TMPRSS15: variants seen among roughly 807,000 people sequenced by gnomAD.
The protein encoded by TMPRSS15 is transmembrane serine protease 15, also known as enteropeptidase.
A neutral mutation model predicts 125.3 loss-of-function variants in TMPRSS15; 128 were observed. The observed-to-expected ratio is 1.02, with a 90% CI of 0.89 to 1.18. The LOEUF (loss-of-function observed/expected upper bound fraction) is 1.18, where lower values mean the gene tolerates loss of function less well. Among genes scored for constraint, TMPRSS15 ranks in the 50% most tolerant of loss-of-function variants. The pLI is 0.00. For missense variants in TMPRSS15, 1,283 were observed against 1,212.7 expected (o/e 1.06, Z -0.86); for synonymous variants, 446 against 423.2 (o/e 1.05, Z -0.66).
At chr21:18,320,381 A>T (rs2824736) in intron 16 of TMPRSS15, among the ~76,000 whole-genome samples, 75,280 of 151,892 alleles carry the variant, frequency 0.5, 19,117 homozygotes, top group East Asian at 0.65. Flanking sequence ...AGCTTACTGA[A>T]ATCACTATGT....
chr21:18,417,622 G>T (rs960574754), intron 1 of TMPRSS15, among the ~76,000 whole-genome samples: 1 of 152,092 alleles, frequency 6.6e-6, no homozygotes, highest in Admixed American at 6.5e-5. Flanking sequence ...CTCAATAACC[G>T]TGTGATAAAA....
At chr21:18,357,112 T>C (rs2075632517) in intron 8 of TMPRSS15, among the ~76,000 whole-genome samples, 1 of 151,838 alleles carries the variant, frequency 6.6e-6, no homozygotes, top group Non-Finnish European at 1.5e-5. Flanking sequence ...ATAAAAACAT[T>C]TATAGATTTT....
intron 1 of TMPRSS15, among the ~76,000 whole-genome samples, chr21:18,417,987 G>A (rs2076184098): frequency 6.6e-6 from 1 of 152,254 alleles, no homozygotes; most frequent in Admixed American, 6.5e-5. Flanking sequence ...AATGTAAAAA[G>A]CTATGCTATT....
chr21:18,426,974 C>A (rs1200785278), intron 1 of TMPRSS15, among the ~76,000 whole-genome samples: 1 of 152,182 alleles, frequency 6.6e-6, no homozygotes, highest in Non-Finnish European at 1.5e-5. Flanking sequence ...GCATTTCTCC[C>A]CTCCGCCATG....
intron 1 of TMPRSS15, among the ~76,000 whole-genome samples, chr21:18,454,008 T>G (rs1029624585): frequency 6.6e-6 from 1 of 152,204 alleles, no homozygotes; most frequent in Non-Finnish European, 1.5e-5. Flanking sequence ...AGCAAATTCA[T>G]AGTTATTTTT....
chr21:18,421,870 G>A (rs66870636), intron 1 of TMPRSS15, among the ~76,000 whole-genome samples: 8 of 151,884 alleles, frequency 5.3e-5, no homozygotes, highest in Non-Finnish European at 4.4e-5. Flanking sequence ...AATGATTATC[G>A]ATACACCCCT....
At chr21:18,331,168 G>T (rs1451045934) in intron 14 of TMPRSS15, among the ~76,000 whole-genome samples, 1 of 150,836 alleles carries the variant, frequency 6.6e-6, no homozygotes, top group Non-Finnish European at 1.5e-5. Flanking sequence ...TTTATTTTTT[G>T]GGGATGAGGT....
rs138520449 is a variant in TMPRSS15, at chr21:18,443,764, C to T, written c.10+42035G>A. On this transcript the variant is annotated intron_variant, in intron 1 of 7. Coordinates refer to the TMPRSS15 transcript ENST00000422787. The stretch of plus-strand genomic sequence containing the variant: ...AGCCTCCTCTTGTTCCAGGAAACAC[C>T]TGAATGGCAGAGCTGGCAACCTCAC... Among the ~76,000 whole-genome samples the T allele has an allele frequency of 1.2e-4, 18 of 152,330 alleles. No individual in the cohort carries two copies. In the South Asian group the frequency reaches 1.2e-3, roughly 11 times the overall value.
chr21:18,277,571 G>A (rs1000411122), intron 23 of TMPRSS15, among the ~76,000 whole-genome samples: 105 of 152,146 alleles, frequency 6.9e-4, no homozygotes, highest in Non-Finnish European at 3.7e-4. Flanking sequence ...GCAGACATGA[G>A]GCATTTTCAG....
chr21:18,478,913 C>G (rs1056897093), intron 1 of TMPRSS15, among the ~76,000 whole-genome samples: 3 of 151,944 alleles, frequency 2.0e-5, no homozygotes, highest in Non-Finnish European at 2.9e-5. Flanking sequence ...TCAACACCCT[C>G]CAGACTCTCA....
chr21:18,286,192 T>A (rs540764985), intron 21 of TMPRSS15, among the ~76,000 whole-genome samples: 70 of 152,324 alleles, frequency 4.6e-4, no homozygotes, highest in African/African-American at 1.6e-3. Context: ...TCAGTCTTTT[T>A]TTCTCCCCCA....
intron 1 of TMPRSS15, among the ~76,000 whole-genome samples, chr21:18,424,520 A>G (rs2076198556): frequency 6.6e-6 from 1 of 152,234 alleles, no homozygotes; most frequent in Non-Finnish European, 1.5e-5. Flanking sequence ...AGATGGGCTC[A>G]TTAGTCGTTT....
chr21:18,364,703 G>T (rs1446479079), intron 7 of TMPRSS15, among the ~76,000 whole-genome samples: 1 of 152,142 alleles, frequency 6.6e-6, no homozygotes, highest in African/African-American at 2.4e-5. Flanking sequence ...ATGTATAGAG[G>T]CTGTTCCCTG....
intron 16 of TMPRSS15, among the ~76,000 whole-genome samples, chr21:18,321,496 GTGCCTGCCACC>G (rs997344213): frequency 6.6e-6 from 1 of 151,820 alleles, no homozygotes; most frequent in African/African-American, 2.4e-5. Flanking sequence ...GGGACTACAG[GTGCCTGCCACC>G]ACGCCCAGCT....
intron 1 of TMPRSS15, among the ~76,000 whole-genome samples, chr21:18,447,679 G>A (rs1342204630): frequency 6.6e-6 from 1 of 151,916 alleles, no homozygotes; most frequent in Non-Finnish European, 1.5e-5. Flanking sequence ...AGTTTTATAG[G>A]GGCTTTTTCC....
At chr21:18,471,694 C>T (rs1203678269) in intron 1 of TMPRSS15, among the ~76,000 whole-genome samples, 1 of 152,100 alleles carries the variant, frequency 6.6e-6, no homozygotes, top group Non-Finnish European at 1.5e-5. Flanking sequence ...ACTCAAATGG[C>T]AAAATCACTT....
intron 3 of TMPRSS15, among the ~76,000 whole-genome samples, chr21:18,388,849 A>T (rs1466537147): frequency 2.0e-5 from 3 of 152,182 alleles, no homozygotes; most frequent in Non-Finnish European, 4.4e-5. Context: ...TGAAAAAGTT[A>T]AAATAATTAA....
intron 24 of TMPRSS15, among the ~76,000 whole-genome samples, chr21:18,273,961 T>C (rs561110188): frequency 6.6e-6 from 1 of 152,308 alleles, no homozygotes; most frequent in South Asian, 2.1e-4. Flanking sequence ...TCGTCATGTA[T>C]TGATAGTATG....
intron 13 of TMPRSS15, among the ~76,000 whole-genome samples, chr21:18,338,642 C>G (rs975979545): frequency 6.6e-6 from 1 of 151,526 alleles, no homozygotes; most frequent in South Asian, 2.1e-4. Flanking sequence ...GTTTTGGTAC[C>G]AAAATTTTGT....
Sources: allele counts gnomAD v4.1 joint callset (sites outside exome capture counted in the v4.1 genomes callset), GRCh38; gene constraint gnomAD v4.1.1; transcripts MANE v1.5; gene names NCBI Gene and HGNC (gene_info 2026-07-23, HGNC 2026-07-21).